The following DUSP8 variants were observed in gnomAD, a reference collection of about 807,000 sequenced individuals.
DUSP8 encodes the protein dual specificity protein phosphatase 8.
DUSP8 carries 15 observed loss-of-function variants against 38.7 expected under a neutral mutation model. The ratio of observed to expected loss-of-function variants is 0.39; its 90% CI spans 0.26 to 0.60. The LOEUF (loss-of-function observed/expected upper bound fraction) is 0.60. DUSP8 is among the 20% of genes least tolerant of loss of function. The pLI is 0.56. For synonymous variants in DUSP8, 458 were observed against 433.9 expected, an observed-to-expected ratio of 1.06 and a Z score of -0.69; for missense variants, 768 against 915.0, an observed-to-expected ratio of 0.84 and a Z score of 2.07.
Position 1,555,154 on chromosome 11 carries a change from A to G in DUSP8, c.*1364T>C, listed in dbSNP as rs1374642504. On this transcript the variant is annotated 3_prime_UTR_variant, in exon 7 of 7. Transcript: ENST00000397374. ...GGACATCTGAAGGGCAGGGGTCCCA[A>G]TGGCCCGAGGGGGTATGGGGCAGGG... 9.1e-6 allele frequency: 9 copies of G among 987,712 alleles called. No homozygotes were observed. The highest frequency in any genetic ancestry group is 9.6e-6 in the Non-Finnish European group (8 of 830,188). 61.2% of individuals were successfully genotyped at this position (987,712 alleles called of 1,614,324 possible).
At position 1,557,061 on chromosome 11, in the gene DUSP8, G is replaced by A. The variant is rs1848641368; in HGVS notation, c.1335C>T (p.Ala445=). Residue 445 remains alanine, a synonymous_variant, in exon 7 of 7, where the codon GCC becomes GCT. Coordinates refer to ENST00000397374, the MANE Select transcript of DUSP8 (RefSeq NM_004420.3). The surrounding 1 kb of genome is among the most constrained non-coding windows in gnomAD (Gnocchi z 9.9). ...LSSPSPDSPD[A]APEARPRPRR... ...GGGGCCGTGGGCGCGCCTCAGGCGC[G>A]GCGTCCGGGCTGTCCGGGCTGGGCG... The A allele has an allele frequency of 6.8e-6, 8 of 1,176,008 alleles. No individual in the cohort carries two copies. In the Admixed American group the frequency reaches 2.3e-4, roughly 34 times the overall value. The allele number at this position is 1,176,008 out of a possible 1,614,324, so 72.8% of individuals were successfully genotyped here.
chr11:1,566,182 C>T (rs1848801599), intron 1 of DUSP8, among the ~76,000 whole-genome samples: 1 of 152,140 alleles, frequency 6.6e-6, no homozygotes, highest in Admixed American at 6.5e-5. Context: ...GGCCAGGGGT[C>T]CTTCCTGTGG....
At chr11:1,565,152 C>A (rs566652842) in intron 2 of DUSP8, among the ~76,000 whole-genome samples, 1 of 152,308 alleles carries the variant, frequency 6.6e-6, no homozygotes, top group Non-Finnish European at 1.5e-5. Flanking sequence ...TTTGACCACC[C>A]CTCCTGTCCT....
In DUSP8 at chr11:1,572,009, G is replaced by A. The variant is rs1171676430; in HGVS notation, c.-217C>T. On this transcript the variant is annotated 5_prime_UTR_variant, in exon 1 of 7. Transcript: ENST00000397374. This position sits in a 1 kb window ranked among gnomAD's most constrained non-coding sequence, Gnocchi z 4.7. Reference sequence around the variant, plus strand: ...GCGGGGGCCCGCGCAGCCGGGGCAGGGGCCGGGGGAGCGCGCGGGCCGCGT... The same window carrying A: ...GCGGGGGCCCGCGCAGCCGGGGCAGAGGCCGGGGGAGCGCGCGGGCCGCGT... The A allele has an allele frequency of 1.4e-5, 2 of 145,552 alleles. No individual in the cohort carries two copies. The highest frequency in any genetic ancestry group is 1.4e-4 in the Admixed American group (2 of 14,678). The allele number at this position is 145,552 out of a possible 1,614,324, so 9.0% of individuals were successfully genotyped here. A position where few individuals can be genotyped will look rare whatever the true frequency, so the allele number is the denominator to read the frequency against.
chr11:1,567,766 G>A (rs961948664), intron 1 of DUSP8, among the ~76,000 whole-genome samples: 29 of 152,350 alleles, frequency 1.9e-4, no homozygotes, highest in African/African-American at 6.5e-4. Context: ...CTGGGCTGGT[G>A]CTCCAGCCTC....
intron 3 of DUSP8, among the ~76,000 whole-genome samples, chr11:1,561,852 G>A (rs996110114): frequency 1.1e-4 from 17 of 152,032 alleles, no homozygotes; most frequent in Non-Finnish European, 2.1e-4. Context: ...CTGGTTCTTC[G>A]CAGAGCCAGC....
rs1848913283 is a variant in DUSP8 at position 1,572,152 on chromosome 11, G to T, written c.-360C>A. 6.9e-6 allele frequency among the ~76,000 whole-genome samples: 1 copy of T among 145,666 alleles called. No individual in the cohort carries two copies. The highest frequency in any genetic ancestry group is 6.8e-5 in the Admixed American group (1 of 14,694). ...GCGCATCCCAGCCCCGCGGCTCGGC[G>T]GGCGCGGCCGGGAGGTTCCGGCGCG... On this transcript the variant is annotated 5_prime_UTR_variant, in exon 1 of 7. Coordinates refer to ENST00000397374, the MANE Select transcript of DUSP8 (RefSeq NM_004420.3). The surrounding 1 kb of genome is among the most constrained non-coding windows in gnomAD (Gnocchi z 4.7).
intron 3 of DUSP8, among the ~76,000 whole-genome samples, chr11:1,563,523 G>A (rs908026297): frequency 2.6e-5 from 4 of 152,158 alleles, no homozygotes; most frequent in African/African-American, 7.2e-5. Context: ...GGGACCCCAC[G>A]GCTCCAACTG....
intron 3 of DUSP8, among the ~76,000 whole-genome samples, chr11:1,562,353 C>A (rs1848729239): frequency 6.6e-6 from 1 of 152,162 alleles, no homozygotes; most frequent in Admixed American, 6.5e-5. Context: ...AGCAAACTGG[C>A]CTTTGGGAGG....
chr11:1,568,677 C>G (rs1350761876), intron 1 of DUSP8, among the ~76,000 whole-genome samples: 2 of 152,150 alleles, frequency 1.3e-5, no homozygotes, highest in Non-Finnish European at 2.9e-5. Context: ...GTCCTCAGCC[C>G]CTCCGCTCCT....
At chr11:1,570,626 CCAGCCACACTCGTG>C (rs1848873626) in intron 1 of DUSP8, among the ~76,000 whole-genome samples, 1 of 106,012 alleles carries the variant, frequency 9.4e-6, no homozygotes, top group Admixed American at 8.8e-5. Context: ...TAGAACCTGC[CCAGCCACACTCGTG>C]CAGCCCCCGG....
intron 2 of DUSP8, among the ~76,000 whole-genome samples, chr11:1,564,573 C>A (rs1405043923): frequency 6.6e-6 from 1 of 152,228 alleles, no homozygotes; most frequent in Non-Finnish European, 1.5e-5. Flanking sequence ...CCTCCTCCCC[C>A]ACCCCAAGGG....
intron 1 of DUSP8, among the ~76,000 whole-genome samples, chr11:1,570,117 C>A (rs887018846): frequency 6.6e-6 from 1 of 152,116 alleles, no homozygotes; most frequent in African/African-American, 2.4e-5. Context: ...GGGCTCCCTC[C>A]GATCCCAGGA....
intron 1 of DUSP8, among the ~76,000 whole-genome samples, chr11:1,566,429 AC>A (rs1848805441): frequency 6.6e-6 from 1 of 151,742 alleles, no homozygotes; most frequent in Non-Finnish European, 1.5e-5. Context: ...ATCCCTGGAG[AC>A]TTGACTCCAG....
Position 1,570,405 on chromosome 11 carries a change from T to C in DUSP8, c.-109+1496A>G, listed in dbSNP as rs77638636. 4.0e-3 allele frequency among the ~76,000 whole-genome samples: 615 copies of C among 152,260 alleles called. 3 individuals carry two copies. The highest frequency in any genetic ancestry group is 0.01 in the Middle Eastern group (3 of 294). ...TGTGGGTCTGCCCCTTTCCCTGCCT[T>C]CTGCAAGAAGTGACACCTAGGTCTC... On this transcript the variant is annotated intron_variant, in intron 1 of 6. Transcript: ENST00000397374.
intron 3 of DUSP8, chr11:1,559,452 G>A (rs1223358255): frequency 1.5e-5 from 3 of 199,530 alleles, no homozygotes; most frequent in Non-Finnish European, 2.0e-5. Flanking sequence ...GCCCAGAGGA[G>A]AGGCCCTCAC....
rs1368913789 is a variant in DUSP8 at position 1,558,669 on chromosome 11, G to A, written c.537+220C>T. Among the ~76,000 whole-genome samples, 1 of 152,116 alleles carries A rather than the reference G, an allele frequency of 6.6e-6. No homozygotes were observed. The highest frequency in any genetic ancestry group is 1.5e-5 in the Non-Finnish European group (1 of 68,006). On this transcript the variant is annotated intron_variant, in intron 4 of 6. Coordinates refer to ENST00000397374, the MANE Select transcript of DUSP8 (RefSeq NM_004420.3). This position sits in a 1 kb window ranked among gnomAD's most constrained non-coding sequence, Gnocchi z 6.3. ...TGCCAGCTCCCCGCTCCTCCCCCGA[G>A]CCCTGCCGGGCCCTCCCGCAAGCCC...
intron 1 of DUSP8, among the ~76,000 whole-genome samples, chr11:1,570,895 C>G (rs1231812528): frequency 1.3e-5 from 2 of 152,074 alleles, no homozygotes; most frequent in Admixed American, 1.3e-4. Context: ...CCCCTCAGAC[C>G]CCCCGCTGGG....
intron 1 of DUSP8, among the ~76,000 whole-genome samples, 166 bp from the exon 2 acceptor site, chr11:1,566,100 G>A (rs1428897563): frequency 6.6e-6 from 1 of 152,112 alleles, no homozygotes; most frequent in Non-Finnish European, 1.5e-5. Context: ...CACAAGGCCA[G>A]CTCTCAGCAG....
Sources: allele counts gnomAD v4.1 joint callset (sites outside exome capture counted in the v4.1 genomes callset), GRCh38; gene constraint gnomAD v4.1.1; non-coding constraint Gnocchi (gnomAD v3.1); transcripts MANE v1.5; gene names NCBI Gene and HGNC (gene_info 2026-07-23, HGNC 2026-07-21).